Variants in OR10AG1 observed in about 807,000 individuals in gnomAD.
OR10AG1 encodes the protein olfactory receptor family 10 subfamily AG member 1.
For synonymous variants in OR10AG1, 147 were observed against 128.6 expected (o/e 1.14, Z -0.97); for missense variants, 433 against 376.5 (o/e 1.15, Z -1.24).
chr11:55,968,183 A>T lies in OR10AG1; in HGVS notation c.341T>A (p.Phe114Tyr), dbSNP rs539299738. 6.2e-7 allele frequency: 1 copy of T among 1,614,090 alleles called. No individual in the cohort carries two copies. Among genetic ancestry groups the T allele is most frequent in the African/African-American group, 1.3e-5 (1 of 74,972 alleles). ...SLFACATQMC[F>Y]FLMLGGTECL... Reference sequence around the variant, plus strand: ...CTCCGTGCCTCCAAGCATAAGAAAAAAACACATTTGTGTAGCACAAGCAAA... The same window carrying T: ...CTCCGTGCCTCCAAGCATAAGAAAATAACACATTTGTGTAGCACAAGCAAA... The change falls in exon 2 of 2, where the codon TTT (phenylalanine) becomes TAT (tyrosine). Residue 114 changes from phenylalanine (F) to tyrosine (Y), a missense_variant. Phe to Tyr is a conservative substitution (Grantham distance 22). Coordinates refer to ENST00000641071, the MANE Select transcript of OR10AG1 (RefSeq NM_001005491.2).
rs117203062 is a variant in OR10AG1 at position 55,967,797 on chromosome 11, T to C, written c.727A>G (p.Arg243Gly). 7,433 of 1,613,978 alleles carry C rather than the reference T, an allele frequency of 4.6e-3. 35 individuals are homozygous for C. The highest frequency in any genetic ancestry group is 5.7e-3 in the Non-Finnish European group (6,735 of 1,179,880). ...ISNILKLSSA[R>G]GKAKAFSTCS... is the part of the protein sequence containing the mutation. ...GTGGAGAAGGCTTTAGCCTTTCCTC[T>C]GGCTGATGACAATTTCAAAATGTTG... The change falls in exon 2 of 2, where the codon AGA becomes GGA. Residue 243 changes from arginine to glycine, a missense_variant. Transcript: ENST00000641071.
rs1156694035 is a variant in OR10AG1, at chr11:55,966,119, AGT to A, written c.*1437_*1438del. 1.3e-5 allele frequency: 2 copies of A among 151,884 alleles called. No homozygotes were observed. Among genetic ancestry groups the A allele is most frequent in the Non-Finnish European group, 2.9e-5 (2 of 67,988 alleles). 9.4% of individuals were successfully genotyped at this position (151,884 alleles called of 1,614,324 possible). A position where few individuals can be genotyped will look rare whatever the true frequency, so the allele number is the denominator to read the frequency against. Reference sequence around the variant, plus strand: ...CTCCAGTGTCTTCATATACTCTGAGAGTGACTTCCCTTTACTCCCAAATTTGT... The same window carrying A: ...CTCCAGTGTCTTCATATACTCTGAGAGACTTCCCTTTACTCCCAAATTTGT... On this transcript the variant is annotated 3_prime_UTR_variant, in exon 2 of 2. Transcript: ENST00000641071.
At chr11:55,968,652 T>C (rs1852715960) in intron 1 of OR10AG1, 145 bp from the exon 2 acceptor site, 2 of 468,046 alleles carry the variant, frequency 4.3e-6, no homozygotes, top group Admixed American at 3.8e-5. Flanking sequence ...TTCTAGATAA[T>C]AAACTGATTT....
In OR10AG1 at chr11:55,967,683, T is replaced by A. The variant is rs1852701370; in HGVS notation, c.841A>T (p.Met281Leu). The change falls in exon 2 of 2, where the codon ATG becomes TTG. Residue 281 changes from methionine to leucine, a missense_variant. Physicochemically the swap from Met to Leu is conservative, Grantham distance 15. Transcript: ENST00000641071. ...LQPKPHQFQR[M>L]GKLISLFYTI... ...TAGAAAAGAGAAATCAGTTTCCCCA[T>A]CCTTTGAAACTGATGTGGTTTGGGC... 3.1e-6 allele frequency: 5 copies of A among 1,613,326 alleles called. No homozygotes were observed. The highest frequency in any genetic ancestry group is 4.2e-6 in the Non-Finnish European group (5 of 1,179,360).
At position 55,967,574 on chromosome 11, in the gene OR10AG1, G is replaced by C; in HGVS notation, c.950C>G (p.Ala317Gly). ...DIMVALRKLL[A>G]KLLT is the part of the protein sequence containing the mutation. ...GTCTTCATCTCATGTTAATAACTTA[G>C]CTAGTAATTTTCTCAATGCCACCAT... is the stretch of plus-strand genomic sequence containing the variant. Residue 317 changes from alanine to glycine, a missense_variant, in exon 2 of 2, where the codon GCT becomes GGT. By Grantham distance (60) the Ala-to-Gly change is moderately conservative (BLOSUM62 0). Transcript: ENST00000641071. 1 of 1,580,644 alleles carries C rather than the reference G, an allele frequency of 6.3e-7. No individual in the cohort carries two copies. The highest frequency in any genetic ancestry group is 8.6e-7 in the Non-Finnish European group (1 of 1,158,810).
At position 55,967,763 on chromosome 11, in the gene OR10AG1, G is replaced by C; in HGVS notation, c.761C>G (p.Ser254Cys). The C allele has an allele frequency of 6.2e-7, 1 of 1,613,638 alleles. No homozygotes were observed. Among genetic ancestry groups the C allele is most frequent in the Non-Finnish European group, 8.5e-7 (1 of 1,179,638 alleles). ...GAATAAGATTACAACTATTAGGTGA[G>C]ATGAGCAGGTGGAGAAGGCTTTAGC... ...GKAKAFSTCSSHLIVVILFFG... is the reference protein window; with the variant it reads ...GKAKAFSTCSCHLIVVILFFG... Residue 254 changes from serine to cysteine, a missense_variant, in exon 2 of 2, where the codon TCT becomes TGT. Ser to Cys is a moderately radical substitution (Grantham distance 112, BLOSUM62 -1). Coordinates refer to ENST00000641071, the MANE Select transcript of OR10AG1 (RefSeq NM_001005491.2).
chr11:55,968,283 C>A lies in OR10AG1; in HGVS notation c.241G>T (p.Glu81Ter), dbSNP rs1311645579. 1.2e-6 allele frequency: 2 copies of A among 1,613,622 alleles called. No individual in the cohort carries two copies. The highest frequency in any genetic ancestry group is 2.2e-5 in the East Asian group (1 of 44,876). ...ATAATGATTGTTACATAACAGATTT[C>A]CAAAAGGGAAAAATTGCTAAGAAAA... ...YFFLSNFSLLEICYVTIIIPR... is the reference protein window; with the variant it reads ...YFFLSNFSLL Residue 81 changes from glutamate to a stop codon, truncating the protein, a stop_gained, in exon 2 of 2, where the codon GAA becomes TAA. Coordinates refer to ENST00000641071, the MANE Select transcript of OR10AG1 (RefSeq NM_001005491.2). LOFTEE classifies it low-confidence loss of function (END_TRUNC).
Position 55,967,443 on chromosome 11 carries a change from A to G in OR10AG1, c.*115T>C. The G allele has an allele frequency of 3.2e-6, 2 of 634,102 alleles. No homozygotes were observed. Among genetic ancestry groups the G allele is most frequent in the Non-Finnish European group, 5.5e-6 (2 of 365,540 alleles). The allele number at this position is 634,102 out of a possible 1,614,324, so 39.3% of individuals were successfully genotyped here. ...ACCCCTTGACATAATGTAAGTTTGT[A>G]TTTAAATTTCAGTACTCATTATTGA... On this transcript the variant is annotated 3_prime_UTR_variant, in exon 2 of 2. Coordinates refer to ENST00000641071, the MANE Select transcript of OR10AG1 (RefSeq NM_001005491.2).
chr11:55,967,402 A>C lies in OR10AG1; in HGVS notation c.*156T>G. 1 of 578,174 alleles carries C rather than the reference A, an allele frequency of 1.7e-6. No individual in the cohort carries two copies. The highest frequency in any genetic ancestry group is 2.2e-5 in the South Asian group (1 of 44,732). 35.8% of individuals were successfully genotyped at this position (578,174 alleles called of 1,614,324 possible). On this transcript the variant is annotated 3_prime_UTR_variant, in exon 2 of 2. Coordinates refer to ENST00000641071, the MANE Select transcript of OR10AG1 (RefSeq NM_001005491.2). ...CAACTGCACAGTAGCACATAACTAT[A>C]TTCTGTGAATAAAACACCCCTTGAC... is the stretch of plus-strand genomic sequence containing the variant.
chr11:55,967,499 C>T lies in OR10AG1; in HGVS notation c.*59G>A. 5 of 1,116,714 alleles carry T rather than the reference C, an allele frequency of 4.5e-6. No individual in the cohort carries two copies. Among genetic ancestry groups the T allele is most frequent in the Middle Eastern group, 3.0e-4 (1 of 3,304 alleles). 69.2% of individuals were successfully genotyped at this position (1,116,714 alleles called of 1,614,324 possible). ...ATAGGGACAAAGTTAAAAAAAAATT[C>T]ACTGAAGCCACATGACAAACCTATA... On this transcript the variant is annotated 3_prime_UTR_variant, in exon 2 of 2. Transcript: ENST00000641071.
chr11:55,967,479 G>A lies in OR10AG1; in HGVS notation c.*79C>T, dbSNP rs78020990. 0.068 allele frequency: 57,223 copies of A among 838,020 alleles called. 2,327 individuals are homozygous for A. The highest frequency in any genetic ancestry group is 0.079 in the Non-Finnish European group (41,837 of 528,648). 51.9% of individuals were successfully genotyped at this position (838,020 alleles called of 1,614,324 possible). On this transcript the variant is annotated 3_prime_UTR_variant, in exon 2 of 2. Transcript: ENST00000641071. ...AGTACTCATTATTGAATACCATAGG[G>A]ACAAAGTTAAAAAAAAATTCACTGA...
rs1852685757 is a variant in OR10AG1 at position 55,966,146 on chromosome 11, T to C, written c.*1412A>G. 6.6e-6 allele frequency: 1 copy of C among 151,800 alleles called. No individual in the cohort carries two copies. The highest frequency in any genetic ancestry group is 1.5e-5 in the Non-Finnish European group (1 of 67,974). 9.4% of individuals were successfully genotyped at this position (151,800 alleles called of 1,614,324 possible). On this transcript the variant is annotated 3_prime_UTR_variant, in exon 2 of 2. Coordinates refer to ENST00000641071, the MANE Select transcript of OR10AG1 (RefSeq NM_001005491.2). ...TGACTTCCCTTTACTCCCAAATTTG[T>C]TTTGCATCAATAAAACAAATTTCGT...
In OR10AG1 at chr11:55,968,080, G is replaced by T. The variant is rs1590672058; in HGVS notation, c.444C>A (p.Asn148Lys). 4 of 1,614,032 alleles carry T rather than the reference G, an allele frequency of 2.5e-6. No individual in the cohort carries two copies. The highest frequency in any genetic ancestry group is 2.7e-5 in the African/African-American group (2 of 74,950). ...CKPLQYPLVM[N>K]HKVCIQLIIA... is the part of the protein sequence containing the mutation. ...TTATCAGCTGAATGCAGACTTTGTG[G>T]TTCATCACTAGAGGATACTGCAAAG... Residue 148 changes from asparagine (N) to lysine (K), a missense_variant, in exon 2 of 2, where the codon AAC becomes AAA. Physicochemically the swap from Asn to Lys is moderately conservative, Grantham distance 94. Transcript: ENST00000641071.
rs75943754 is a variant in OR10AG1 at position 55,967,945 on chromosome 11, C to T, written c.579G>A (p.Pro193=). Residue 193 remains proline (P), a synonymous_variant, in exon 2 of 2, where the codon CCG becomes CCA. Transcript: ENST00000641071. ...NTINHFFCDI[P]PILKLACGNI... ...TTCCACAAGCAAGCTTGAGTATTGG[C>T]GGGATGTCACAAAAGAAATGATTAA... The T allele has an allele frequency of 3.4e-3, 5,411 of 1,613,898 alleles. 195 individuals carry two copies. In the African/African-American group the frequency reaches 0.065, roughly 19 times the overall value.
At chr11:55,969,675 T>A (rs1852724517) in intron 1 of OR10AG1, among the ~76,000 whole-genome samples, 1 of 152,184 alleles carries the variant, frequency 6.6e-6, no homozygotes, top group South Asian at 2.1e-4. Flanking sequence ...AAAATTGCCT[T>A]AAATGACTTT....
In OR10AG1 at chr11:55,969,927, T is replaced by G; in HGVS notation, c.-20A>C. The G allele has an allele frequency of 2.5e-6, 1 of 398,296 alleles. No individual in the cohort carries two copies. The highest frequency in any genetic ancestry group is 4.4e-6 in the Non-Finnish European group (1 of 225,940). The allele number at this position is 398,296 out of a possible 1,614,324, so 24.7% of individuals were successfully genotyped here. On this transcript the variant is annotated 5_prime_UTR_variant, in exon 1 of 2. Transcript: ENST00000641071. ...TTGCATGAAGCTGTCTGTACAGACT[T>G]TTTAAGCTCTTCCTTTTCTCGGGAA...
At position 55,967,697 on chromosome 11, in the gene OR10AG1, T is replaced by C. The variant is rs147562965; in HGVS notation, c.827A>G (p.His276Arg). Residue 276 changes from histidine (H) to arginine (R), a missense_variant, in exon 2 of 2, where the codon CAT becomes CGT. His to Arg is a conservative substitution (Grantham distance 29, BLOSUM62 0). Coordinates refer to ENST00000641071, the MANE Select transcript of OR10AG1 (RefSeq NM_001005491.2). ...GTITYLQPKP[H>R]QFQRMGKLIS... is the part of the protein sequence containing the mutation. Reference sequence around the variant, plus strand: ...CAGTTTCCCCATCCTTTGAAACTGATGTGGTTTGGGCTGTAAATAAGTGAT... The same window carrying C: ...CAGTTTCCCCATCCTTTGAAACTGACGTGGTTTGGGCTGTAAATAAGTGAT... The C allele has an allele frequency of 1.9e-6, 3 of 1,613,936 alleles. No individual in the cohort carries two copies. Among genetic ancestry groups the C allele is most frequent in the East Asian group, 2.2e-5 (1 of 44,866 alleles).
rs749412016 is a variant in OR10AG1 at position 55,968,157 on chromosome 11, A to T, written c.367T>A (p.Cys123Ser). 2.4e-5 allele frequency: 39 copies of T among 1,613,772 alleles called. No individual in the cohort carries two copies. The highest frequency in any genetic ancestry group is 3.2e-5 in the Non-Finnish European group (38 of 1,179,916). ...TAGGCCATCACTGTCAGAAGGAGAC[A>T]CTCCGTGCCTCCAAGCATAAGAAAA... The part of the protein sequence containing the change: ...CFFLMLGGTE[C>S]LLLTVMAYDR... The change falls in exon 2 of 2, where the codon TGT (cysteine) becomes AGT (serine). Residue 123 changes from cysteine to serine, a missense_variant. Cys to Ser is a moderately radical substitution (Grantham distance 112, BLOSUM62 -1). Coordinates refer to ENST00000641071, the MANE Select transcript of OR10AG1 (RefSeq NM_001005491.2).
intron 1 of OR10AG1, among the ~76,000 whole-genome samples, chr11:55,969,551 C>T (rs1229508441): frequency 1.3e-5 from 2 of 152,088 alleles, no homozygotes; most frequent in African/African-American, 4.8e-5. Flanking sequence ...ATCTGCTGCA[C>T]CTATACCTAT....
Sources: gnomAD v4.1 joint callset for allele counts (sites outside exome capture counted in the v4.1 genomes callset) on GRCh38, gnomAD v4.1.1 for gene constraint, MANE v1.5 for transcripts, NCBI Gene and HGNC (gene_info 2026-07-23, HGNC 2026-07-21) for gene names.